P3H2: variants seen among roughly 807,000 people sequenced by gnomAD.
P3H2 encodes the protein prolyl 3-hydroxylase 2.
Under a neutral mutation model 87.0 loss-of-function variants are expected in P3H2, and 80 were observed. That is an observed-to-expected ratio of 0.92 (90% CI 0.77 to 1.11). The LOEUF (loss-of-function observed/expected upper bound fraction) is 1.11. Among genes scored for constraint, P3H2 ranks in the 50% least tolerant of loss-of-function variants. The pLI is 0.00. For missense variants in P3H2, 1,001 were observed against 923.9 expected, an observed-to-expected ratio of 1.08 and a Z score of -1.08; for synonymous variants, 367 against 359.3, an observed-to-expected ratio of 1.02 and a Z score of -0.24.
chr3:190,076,628 A>C (rs1215874981), intron 1 of P3H2, among the ~76,000 whole-genome samples: 1 of 152,176 alleles, frequency 6.6e-6, no homozygotes, highest in Non-Finnish European at 1.5e-5. Flanking sequence ...AATAAAGCTG[A>C]ATATTTTATA....
chr3:190,091,225 A>G (rs1727398452), intron 1 of P3H2, among the ~76,000 whole-genome samples: 1 of 152,220 alleles, frequency 6.6e-6, no homozygotes, highest in Non-Finnish European at 1.5e-5. Context: ...TAGCTTCTGG[A>G]TTGTGTTTAC....
chr3:189,967,211 A>G (rs187855072), intron 13 of P3H2, among the ~76,000 whole-genome samples: 25 of 152,138 alleles, frequency 1.6e-4, no homozygotes, highest in African/African-American at 5.3e-4. Flanking sequence ...GAGGAAATAA[A>G]TGTTCTCAAA....
At chr3:190,093,281 A>G (rs1391051735) in intron 1 of P3H2, among the ~76,000 whole-genome samples, 1 of 152,204 alleles carries the variant, frequency 6.6e-6, no homozygotes, top group Non-Finnish European at 1.5e-5. Flanking sequence ...GAGTGCTGTA[A>G]AGCTTGACAA....
intron 1 of P3H2, among the ~76,000 whole-genome samples, chr3:190,054,427 GA>G (rs995103802): frequency 7.6e-4 from 111 of 146,526 alleles, no homozygotes; most frequent in African/African-American, 1.9e-3. Flanking sequence ...GTGGTAGAGA[GA>G]AAAAAAAAAG....
intron 8 of P3H2, among the ~76,000 whole-genome samples, chr3:189,977,848 C>A (rs1405831111): frequency 1.3e-5 from 2 of 151,920 alleles, no homozygotes; most frequent in African/African-American, 4.8e-5. Flanking sequence ...GGACTCAAGC[C>A]ATCCTCCCTC....
chr3:190,121,070 G>A, upstream of P3H2: 3 of 330,848 alleles, frequency 9.1e-6, no homozygotes, highest in East Asian at 5.7e-5. Context: ...GAGGCCGGCC[G>A]GGGACGAGGC....
intron 13 of P3H2, among the ~76,000 whole-genome samples, chr3:189,966,193 A>AAGAAAGAAAG (rs1723001841): frequency 6.7e-6 from 1 of 148,282 alleles, no homozygotes; most frequent in Non-Finnish European, 1.5e-5. Flanking sequence ...GAAAGAAAGA[A>AAGAAAGAAAG]AAGCCTTCTG....
chr3:190,017,880 A>G (rs1355520730), intron 1 of P3H2, among the ~76,000 whole-genome samples: 2 of 152,258 alleles, frequency 1.3e-5, no homozygotes, highest in Non-Finnish European at 2.9e-5. Flanking sequence ...AAGTGCTTCA[A>G]TGGCAAAGAG....
intron 1 of P3H2, among the ~76,000 whole-genome samples, chr3:190,094,257 T>C (rs1337390457): frequency 8.5e-5 from 13 of 152,210 alleles, no homozygotes; most frequent in Admixed American, 8.5e-4. Context: ...CATGACAACA[T>C]CCAAGTAACA....
intron 1 of P3H2, among the ~76,000 whole-genome samples, chr3:190,103,722 C>A (rs191790556): frequency 6.6e-6 from 1 of 151,940 alleles, no homozygotes; most frequent in African/African-American, 2.4e-5. Flanking sequence ...TCCGGTTCAC[C>A]GACTTATGGT....
At chr3:190,064,155 C>CTTT (rs78204073) in intron 1 of P3H2, among the ~76,000 whole-genome samples, 1 of 142,686 alleles carries the variant, frequency 7.0e-6, no homozygotes, top group Non-Finnish European at 1.5e-5. Flanking sequence ...CCACACCTAA[C>CTTT]TTTTTTTTTT....
chr3:189,968,219 A>T (rs977785288), intron 13 of P3H2, among the ~76,000 whole-genome samples: 31 of 152,070 alleles, frequency 2.0e-4, no homozygotes. Context: ...ACCCCATCAA[A>T]CCATTATCTA....
At chr3:189,968,978 C>G in intron 13 of P3H2, 1 of 184,214 alleles carries the variant, frequency 5.4e-6, no homozygotes, top group East Asian at 1.4e-4. Flanking sequence ...TTAAAGTTCT[C>G]TGTAGATTCT....
intron 1 of P3H2, among the ~76,000 whole-genome samples, chr3:190,100,272 C>G (rs1315918589): frequency 8.0e-6 from 1 of 124,424 alleles, no homozygotes; most frequent in Non-Finnish European, 1.6e-5. Context: ...AAAAAAAACA[C>G]TTCTATGATT....
At chr3:189,976,360 T>A (rs1272825486) in intron 8 of P3H2, among the ~76,000 whole-genome samples, 2 of 152,124 alleles carry the variant, frequency 1.3e-5, no homozygotes, top group Admixed American at 6.5e-5. Context: ...GGCCTCACAA[T>A]CATGGTGGAA....
At chr3:190,091,498 T>C (rs1727408103) in intron 1 of P3H2, among the ~76,000 whole-genome samples, 1 of 152,226 alleles carries the variant, frequency 6.6e-6, no homozygotes, top group South Asian at 2.1e-4. Flanking sequence ...GTTACTACAA[T>C]ATCAATTTAG....
At chr3:190,094,767 T>C (rs1194099602) in intron 1 of P3H2, among the ~76,000 whole-genome samples, 1 of 152,200 alleles carries the variant, frequency 6.6e-6, no homozygotes, top group African/African-American at 2.4e-5. Context: ...CAGAGAAACA[T>C]CCTTCTGTTC....
rs1466199069 is a variant in P3H2 at position 189,957,219 on chromosome 3, G to A, written c.*693C>T. ...TTACGCCCATGATACCTGAGGCAGC[G>A]TGGACTCTGCCAGGGGCTCCTCAGA... is the stretch of plus-strand genomic sequence containing the variant. On this transcript the variant is annotated 3_prime_UTR_variant, in exon 15 of 15. Transcript: ENST00000319332. 1.8e-5 allele frequency: 7 copies of A among 398,928 alleles called. No individual in the cohort carries two copies. Among genetic ancestry groups the A allele is most frequent in the Non-Finnish European group, 3.1e-5 (7 of 226,484 alleles). 24.7% of individuals were successfully genotyped at this position (398,928 alleles called of 1,614,324 possible).
intron 1 of P3H2, among the ~76,000 whole-genome samples, chr3:190,053,123 T>C (rs1373286471): frequency 6.6e-6 from 1 of 152,216 alleles, no homozygotes; most frequent in Non-Finnish European, 1.5e-5. Context: ...TCTAGGACAA[T>C]ATCACAATTT....
Sources: gnomAD v4.1 joint callset for allele counts (sites outside exome capture counted in the v4.1 genomes callset) on GRCh38, gnomAD v4.1.1 for gene constraint, MANE v1.5 for transcripts, NCBI Gene and HGNC (gene_info 2026-07-23, HGNC 2026-07-21) for gene names.